DOCK9: variants seen among roughly 807,000 people sequenced by gnomAD.
The protein encoded by DOCK9 is dedicator of cytokinesis 9.
A neutral mutation model predicts 263.3 loss-of-function variants in DOCK9; 89 were observed. The observed-to-expected ratio is 0.34, with a 90% CI of 0.28 to 0.40. The LOEUF is 0.40. Among genes scored for constraint, DOCK9 ranks in the 10% least tolerant of loss-of-function variants. The pLI is 1.00. For synonymous variants in DOCK9, 976 were observed against 973.1 expected (o/e 1.00, Z -0.06); for missense variants, 2,140 against 2,603.4 (o/e 0.82, Z 3.87).
intron 1 of DOCK9, among the ~76,000 whole-genome samples, chr13:99,072,485 A>G (rs1490255333): frequency 6.6e-6 from 1 of 152,208 alleles, no homozygotes; most frequent in Admixed American, 6.5e-5. Flanking sequence ...TTCGGGGACA[A>G]AGCACTGATG....
chr13:98,867,368 T>C, intron 30 of DOCK9, 57 bp downstream of exon 30: 3 of 964,140 alleles, frequency 3.1e-6, no homozygotes, highest in Non-Finnish European at 4.8e-6. Flanking sequence ...TATCTTTTCT[T>C]ATTGAAAATA....
intron 1 of DOCK9, among the ~76,000 whole-genome samples, chr13:99,040,339 C>G (rs915507107): frequency 3.9e-5 from 6 of 152,208 alleles, no homozygotes; most frequent in Non-Finnish European, 7.4e-5. Context: ...GCAGCCCAAA[C>G]TAAGGCAAGT....
chr13:98,941,649 G>A (rs1197873656), intron 2 of DOCK9, among the ~76,000 whole-genome samples: 1 of 152,168 alleles, frequency 6.6e-6, no homozygotes, highest in East Asian at 1.9e-4. Flanking sequence ...CTGAGGACAG[G>A]AGAGTTACCC....
intron 1 of DOCK9, among the ~76,000 whole-genome samples, chr13:99,071,890 CTCT>C (rs1347173290): frequency 2.0e-5 from 3 of 152,160 alleles, no homozygotes; most frequent in African/African-American, 7.2e-5. Context: ...CTGGCAGTGC[CTCT>C]TCTTCTACGT....
At chr13:98,883,487 T>TTTGGC (rs1344618198) in intron 22 of DOCK9, among the ~76,000 whole-genome samples, 1 of 152,186 alleles carries the variant, frequency 6.6e-6, no homozygotes, top group Non-Finnish European at 1.5e-5. Flanking sequence ...GCTAAAGTGA[T>TTTGGC]CTGCCCACCT....
chr13:98,878,509 A>T (rs576662034), intron 27 of DOCK9, among the ~76,000 whole-genome samples: 1 of 152,192 alleles, frequency 6.6e-6, no homozygotes, highest in Non-Finnish European at 1.5e-5. Flanking sequence ...TTTTTTTTAC[A>T]GAAAAGTAAT....
exon 1 of DOCK9, chr13:99,086,560 G>T: frequency 6.1e-6 from 1 of 164,868 alleles, no homozygotes; most frequent in South Asian, 1.8e-4. Context: ...CGCCCCCCTC[G>T]GCGTCCGCGG....
intron 1 of DOCK9, among the ~76,000 whole-genome samples, chr13:99,059,983 T>C (rs186681500): frequency 3.8e-4 from 57 of 151,480 alleles, no homozygotes; most frequent in Admixed American, 1.9e-3. Flanking sequence ...GTGTCAGTAC[T>C]CCACTCCTTT....
At chr13:99,015,007 C>G (rs550510067) in intron 1 of DOCK9, among the ~76,000 whole-genome samples, 1 of 152,260 alleles carries the variant, frequency 6.6e-6, no homozygotes, top group Admixed American at 6.5e-5. Context: ...AAATTTCTCC[C>G]CCCCGCATCA....
intron 5 of DOCK9, 88 bp from the exon 6 acceptor site, chr13:98,922,234 C>T (rs2052150135): frequency 3.1e-6 from 3 of 957,820 alleles, no homozygotes; most frequent in Admixed American, 4.1e-5. Flanking sequence ...AGGTCATTCC[C>T]TTTGTGCCAA....
At chr13:98,842,014 T>C (rs1352438298) in intron 38 of DOCK9, among the ~76,000 whole-genome samples, 1 of 149,572 alleles carries the variant, frequency 6.7e-6, no homozygotes, top group Non-Finnish European at 1.5e-5. Context: ...TTTAAAGATA[T>C]ATTATCCATG....
intron 1 of DOCK9, among the ~76,000 whole-genome samples, chr13:99,052,856 GAGTTGAGTTTTT>G (rs2040764311): frequency 6.6e-6 from 1 of 151,398 alleles, no homozygotes; most frequent in Admixed American, 6.6e-5. Context: ...TTCTCACTTT[GAGTTGAGTTTTT>G]TATATGTTTT....
At chr13:98,900,910 C>T (rs1476600058) in intron 13 of DOCK9, among the ~76,000 whole-genome samples, 1 of 152,220 alleles carries the variant, frequency 6.6e-6, no homozygotes, top group Non-Finnish European at 1.5e-5. Context: ...AAACTTCACT[C>T]ACAGCCTCTG....
At position 98,925,410 on chromosome 13, in the gene DOCK9, G is replaced by A. The variant is rs560168912; in HGVS notation, c.416+427C>T. 3.4e-4 allele frequency among the ~76,000 whole-genome samples: 51 copies of A among 151,972 alleles called. 1 individual carries two copies. Among genetic ancestry groups the A allele is most frequent in the African/African-American group, 1.2e-3 (51 of 41,470 alleles). ...AAAAAATTTAACTGGGAAAATGCTT[G>A]TTTCTTGATTTACTTTTTTTAAAAA... On this transcript the variant is annotated intron_variant, in intron 4 of 52. Coordinates refer to ENST00000682017, the MANE Select transcript of DOCK9 (RefSeq NM_001366683.2).
At chr13:98,986,097 TAA>T (rs1361751941) in intron 1 of DOCK9, among the ~76,000 whole-genome samples, 1 of 152,258 alleles carries the variant, frequency 6.6e-6, no homozygotes, top group Non-Finnish European at 1.5e-5. Flanking sequence ...CAAGTATAAC[TAA>T]AAGACAAATG....
chr13:99,084,667 G>A (rs1352856412), intron 1 of DOCK9, among the ~76,000 whole-genome samples: 5 of 152,132 alleles, frequency 3.3e-5, no homozygotes, highest in South Asian at 4.1e-4. Flanking sequence ...CCATCTACAC[G>A]GCTTATTAAA....
chr13:98,967,347 C>A (rs930036200), intron 1 of DOCK9, among the ~76,000 whole-genome samples: 1 of 152,206 alleles, frequency 6.6e-6, no homozygotes, highest in African/African-American at 2.4e-5. Context: ...TTAGCCCCTA[C>A]AACATACACA....
intron 1 of DOCK9, among the ~76,000 whole-genome samples, chr13:99,032,019 C>A (rs1225662037): frequency 6.6e-6 from 1 of 152,048 alleles, no homozygotes; most frequent in Non-Finnish European, 1.5e-5. Flanking sequence ...ATTATGTAAC[C>A]AAAGAAACAT....
At chr13:98,940,722 T>C (rs2055689356) in intron 2 of DOCK9, among the ~76,000 whole-genome samples, 1 of 152,088 alleles carries the variant, frequency 6.6e-6, no homozygotes, top group African/African-American at 2.4e-5. Context: ...GGCACCTGCA[T>C]GGTCCCCCAT....
Sources: allele counts gnomAD v4.1 joint callset (sites outside exome capture counted in the v4.1 genomes callset), GRCh38; gene constraint gnomAD v4.1.1; transcripts MANE v1.5; gene names NCBI Gene and HGNC (gene_info 2026-07-23, HGNC 2026-07-21).